KIF26B: variants seen among roughly 807,000 people sequenced by gnomAD.
The protein encoded by KIF26B is kinesin family member 26B.
A neutral mutation model predicts 151.2 loss-of-function variants in KIF26B; 63 were observed. The observed-to-expected ratio is 0.42, with a 90% confidence interval of 0.34 to 0.51. The LOEUF (loss-of-function observed/expected upper bound fraction) is 0.51. Among genes scored for constraint, KIF26B ranks in the 20% least tolerant of loss-of-function variants. The probability of loss-of-function intolerance (pLI) is 0.07; values close to 1 mark genes in which losing one functional copy is unlikely to be tolerated. For missense variants in KIF26B, 2,813 were observed against 2,913.6 expected, an observed-to-expected ratio of 0.97 and a Z score of 0.79; for synonymous variants, 1,357 against 1,262.1, an observed-to-expected ratio of 1.08 and a Z score of -1.59.
intron 2 of KIF26B, among the ~76,000 whole-genome samples, chr1:245,200,931 C>G (rs1425964985): frequency 6.6e-6 from 1 of 152,196 alleles, no homozygotes; most frequent in Non-Finnish European, 1.5e-5. Context: ...CCTGTTGATG[C>G]CTCTTTATTC....
rs191405284 is a variant in KIF26B, at chr1:245,638,657, G to A, written c.2099-7464G>A. ...TATGACACTTATCTTGTTGAGGTAT[G>A]TTCCTTCTATAAATTTGTTGAGGAT... On this transcript the variant is annotated intron_variant, in intron 9 of 14. Coordinates refer to ENST00000407071, the MANE Select transcript of KIF26B (RefSeq NM_018012.4). Among the ~76,000 whole-genome samples, 274 of 151,892 alleles carry A rather than the reference G, an allele frequency of 1.8e-3. 2 individuals are homozygous for A. Among genetic ancestry groups the A allele is most frequent in the East Asian group, 3.5e-3 (18 of 5,180 alleles).
In KIF26B at chr1:245,422,927, C is replaced by T. The variant is rs553608271; in HGVS notation, c.1166+3182C>T. Among the ~76,000 whole-genome samples the T allele has an allele frequency of 3.6e-4, 54 of 151,896 alleles. No individual in the cohort carries two copies. In the South Asian group the frequency reaches 4.6e-3, roughly 13 times the overall value. Reference sequence around the variant, plus strand: ...CAGCCTGGCCAACATGGTGAGACCCCGTCTCTACTAAAAATACAAAAATTA... The same window carrying T: ...CAGCCTGGCCAACATGGTGAGACCCTGTCTCTACTAAAAATACAAAAATTA... On this transcript the variant is annotated intron_variant, in intron 4 of 14. Transcript: ENST00000407071.
intron 10 of KIF26B, among the ~76,000 whole-genome samples, chr1:245,670,227 C>T (rs989842627): frequency 5.1e-5 from 7 of 138,232 alleles, no homozygotes; most frequent in East Asian, 4.3e-4. Flanking sequence ...AATATTCCAT[C>T]GTATGCGTGT....
chr1:245,450,777 G>T (rs900891706), intron 4 of KIF26B, among the ~76,000 whole-genome samples: 1 of 152,146 alleles, frequency 6.6e-6, no homozygotes, highest in African/African-American at 2.4e-5. Context: ...GTGGTGGGGG[G>T]AAGGGGAACC....
intron 10 of KIF26B, among the ~76,000 whole-genome samples, chr1:245,652,102 C>CTGTGTGTGTGTG (rs56893913): frequency 8.9e-4 from 121 of 136,440 alleles, no homozygotes; most frequent in Admixed American, 1.1e-3. Flanking sequence ...ATGTAAGAAT[C>CTGTGTGTGTGTG]TGTGTGTGTG....
Position 245,602,307 on chromosome 1 carries a change from A to G in KIF26B, c.1351-270A>G, listed in dbSNP as rs2043404885. ...CGAGGGCGCAGTTAATATTCAATTT[A>G]TATTAATAGGAAGACAAAGAACATG... On this transcript the variant is annotated intron_variant, in intron 5 of 14. Coordinates refer to ENST00000407071, the MANE Select transcript of KIF26B (RefSeq NM_018012.4). This position sits in a 1 kb window ranked among gnomAD's most constrained non-coding sequence, Gnocchi z 4.5. 6.6e-6 allele frequency among the ~76,000 whole-genome samples: 1 copy of G among 152,238 alleles called. No homozygotes were observed. The highest frequency in any genetic ancestry group is 2.4e-5 in the African/African-American group (1 of 41,466).
chr1:245,204,782 A>ATT (rs199768210), intron 2 of KIF26B, among the ~76,000 whole-genome samples: 18 of 149,650 alleles, frequency 1.2e-4, no homozygotes, highest in African/African-American at 4.2e-4. Flanking sequence ...ATTTTGTGTG[A>ATT]TTTTTTTTTT....
intron 2 of KIF26B, among the ~76,000 whole-genome samples, chr1:245,217,381 T>A (rs1463728407): frequency 1.0e-5 from 1 of 98,882 alleles, no homozygotes; most frequent in Non-Finnish European, 2.4e-5. Context: ...TTTTTTTTTT[T>A]TGAGACGGAG....
At chr1:245,346,137 G>T (rs972282221) in intron 2 of KIF26B, among the ~76,000 whole-genome samples, 3 of 151,850 alleles carry the variant, frequency 2.0e-5, no homozygotes, top group Non-Finnish European at 4.4e-5. Flanking sequence ...TAGAGTCAGG[G>T]TTTCACCATC....
At chr1:245,211,465 T>G (rs1669527720) in intron 2 of KIF26B, among the ~76,000 whole-genome samples, 1 of 151,974 alleles carries the variant, frequency 6.6e-6, no homozygotes, top group Admixed American at 6.6e-5. Flanking sequence ...GGTGGCCCAA[T>G]CAGCTCACTG....
intron 4 of KIF26B, among the ~76,000 whole-genome samples, chr1:245,458,286 C>T (rs1403236003): frequency 6.6e-6 from 1 of 152,164 alleles, no homozygotes; most frequent in Non-Finnish European, 1.5e-5. Context: ...CTACCCATGC[C>T]AGTTTATAGG....
intron 2 of KIF26B, among the ~76,000 whole-genome samples, chr1:245,312,445 C>T (rs1671681616): frequency 6.6e-6 from 1 of 152,130 alleles, no homozygotes; most frequent in Non-Finnish European, 1.5e-5. Context: ...TCGTTTGCCT[C>T]TCTTTTTGTG....
intron 2 of KIF26B, among the ~76,000 whole-genome samples, chr1:245,162,076 T>C (rs1668540657): frequency 6.6e-6 from 1 of 152,218 alleles, no homozygotes; most frequent in African/African-American, 2.4e-5. Context: ...GTCCTGACCT[T>C]CTGCGAGGAA....
intron 2 of KIF26B, among the ~76,000 whole-genome samples, chr1:245,267,684 A>ACACACACAC (rs1670773445): frequency 6.7e-6 from 1 of 148,468 alleles, no homozygotes; most frequent in African/African-American, 2.5e-5. Flanking sequence ...ACACACACAC[A>ACACACACAC]AAAGGAGAAA....
At chr1:245,558,827 G>A (rs927731377) in intron 5 of KIF26B, among the ~76,000 whole-genome samples, 4 of 152,174 alleles carry the variant, frequency 2.6e-5, no homozygotes, top group African/African-American at 4.8e-5. Context: ...CCAGCATCTC[G>A]CCAACCTTTG....
At chr1:245,356,166 GC>G (rs1350603014) in intron 2 of KIF26B, among the ~76,000 whole-genome samples, 5 of 152,088 alleles carry the variant, frequency 3.3e-5, no homozygotes, top group Non-Finnish European at 1.5e-5. Flanking sequence ...GAACACACGA[GC>G]CCTCCCAGTA....
At position 245,540,273 on chromosome 1, in the gene KIF26B, G is replaced by A. The variant is rs560511372; in HGVS notation, c.1167-494G>A. Among the ~76,000 whole-genome samples, 17 of 152,330 alleles carry A rather than the reference G, an allele frequency of 1.1e-4. No individual in the cohort carries two copies. In the East Asian group the frequency reaches 3.3e-3, roughly 29 times the overall value. ...GTTTGATTTTTCCTGTTGCACTGGG[G>A]CTTGTGTTTTTCTTCCAGTGCCCTG... is the stretch of plus-strand genomic sequence containing the variant. On this transcript the variant is annotated intron_variant, in intron 4 of 14. Transcript: ENST00000407071. This position sits in a 1 kb window ranked among gnomAD's most constrained non-coding sequence, Gnocchi z 4.6.
At chr1:245,676,428 G>T (rs2044357949) in intron 10 of KIF26B, 1 of 152,218 alleles carries the variant, frequency 6.6e-6, no homozygotes. Context: ...AGCGAGTCTT[G>T]TTCAATGAGA....
intron 5 of KIF26B, among the ~76,000 whole-genome samples, chr1:245,562,595 C>G (rs1333081689): frequency 1.3e-5 from 2 of 150,782 alleles, no homozygotes; most frequent in Admixed American, 6.6e-5. Context: ...CCCGCCCCCC[C>G]CTTCCCCCAT....
Sources: gnomAD v4.1 joint callset for allele counts (sites outside exome capture counted in the v4.1 genomes callset) on GRCh38, gnomAD v4.1.1 for gene constraint, Gnocchi (gnomAD v3.1) non-coding constraint, MANE v1.5 for transcripts, NCBI Gene and HGNC (gene_info 2026-07-23, HGNC 2026-07-21) for gene names.